The following MGAT1 variants were observed in gnomAD, a reference collection of about 807,000 sequenced individuals.
MGAT1 encodes N-glycosyl-oligosaccharide-glycoprotein N-acetylglucosaminyltransferase I.
In MGAT1, 14 loss-of-function variants were observed where a neutral mutation model predicts 31.7. The ratio of observed to expected loss-of-function variants is 0.44; its 90% confidence interval spans 0.29 to 0.69. The LOEUF (loss-of-function observed/expected upper bound fraction) is 0.69, where lower values mean the gene tolerates loss of function less well. MGAT1 is among the 30% of genes least tolerant of loss of function. The pLI is 0.12. For synonymous variants in MGAT1, 338 were observed against 276.0 expected (o/e 1.22, Z -2.23); for missense variants, 557 against 626.0 (o/e 0.89, Z 1.18).
chr5:180,798,700 T>G (rs903950693), intron 1 of MGAT1, among the ~76,000 whole-genome samples: 1 of 152,262 alleles, frequency 6.6e-6, no homozygotes, highest in Non-Finnish European at 1.5e-5. Flanking sequence ...TGGTAAAATC[T>G]GATCTGATCT....
At chr5:180,796,607 GTTTT>G (rs1016451383) in intron 1 of MGAT1, among the ~76,000 whole-genome samples, 1 of 151,718 alleles carries the variant, frequency 6.6e-6, no homozygotes, top group Non-Finnish European at 1.5e-5. Flanking sequence ...AAGAGTTTCA[GTTTT>G]TTTTCTTTTT....
chr5:180,792,670 G>T lies in MGAT1; in HGVS notation c.302C>A (p.Pro101His), dbSNP rs1424856188. The T allele has an allele frequency of 6.3e-7, 1 of 1,575,248 alleles. No homozygotes were observed. Among genetic ancestry groups the T allele is most frequent in the Non-Finnish European group, 8.6e-7 (1 of 1,160,580 alleles). ...PPAQPRVPVT[P>H]APAVIPILVI... is the part of the protein sequence containing the mutation. Reference sequence around the variant, plus strand: ...CAGGATGGGAATCACCGCCGGCGCGGGGGTCACAGGCACACGCGGCTGGGC... The same window carrying T: ...CAGGATGGGAATCACCGCCGGCGCGTGGGTCACAGGCACACGCGGCTGGGC... Residue 101 changes from proline to histidine, a missense_variant, in exon 2 of 2, where the codon CCC becomes CAC. Coordinates refer to ENST00000307826, the MANE Select transcript of MGAT1 (RefSeq NM_002406.4).
Position 180,786,230 on chromosome 5 carries a change from T to C in MGAT1, c.*5404A>G, listed in dbSNP as rs557315244. 2.0e-5 allele frequency: 3 copies of C among 152,370 alleles called. No homozygotes were observed. The highest frequency in any genetic ancestry group is 2.9e-5 in the Non-Finnish European group (2 of 68,052). 9.4% of individuals were successfully genotyped at this position (152,370 alleles called of 1,614,324 possible). On this transcript the variant is annotated 3_prime_UTR_variant, in exon 2 of 2. Transcript: ENST00000307826. ...CTTCAGGAATTTCAGTTTTCATGCATGACCCTGAGAAGACTCAGCCCCCTG... is the reference window on the plus strand; with the variant it reads ...CTTCAGGAATTTCAGTTTTCATGCACGACCCTGAGAAGACTCAGCCCCCTG...
intron 1 of MGAT1, among the ~76,000 whole-genome samples, chr5:180,812,405 TAA>T (rs1772633081): frequency 2.0e-5 from 3 of 152,378 alleles, no homozygotes; most frequent in Non-Finnish European, 4.4e-5. Flanking sequence ...CATTTTTACT[TAA>T]GTGACCTTCG....
chr5:180,810,530 C>T (rs912885227), intron 1 of MGAT1: 1 of 152,616 alleles, frequency 6.6e-6, no homozygotes, highest in Non-Finnish European at 1.5e-5. Context: ...GGGGTTGGCC[C>T]TTGGGGTGCT....
chr5:180,801,307 A>G (rs191344992), intron 1 of MGAT1, among the ~76,000 whole-genome samples: 1 of 152,360 alleles, frequency 6.6e-6, no homozygotes, highest in East Asian at 1.9e-4. Flanking sequence ...ACAGAAGTGG[A>G]AGAAATGGTA....
At position 180,809,105 on chromosome 5, in the gene MGAT1, C is replaced by CTCTA. The variant is rs1183610704; in HGVS notation, c.-545-43_-545-40dup. On this transcript the variant is annotated intron_variant, in intron 1 of 2. Transcript: ENST00000333055. ...CAGAACATTTAAACATTATAACGCT[C>CTCTA]TCTAATCTAGATACCCAAATAGAGT... 1.8e-4 allele frequency: 27 copies of CTCTA among 152,278 alleles called. No homozygotes were observed. The East Asian group carries it at 3.5e-3, about 20-fold the overall frequency. 9.4% of individuals were successfully genotyped at this position (152,278 alleles called of 1,614,324 possible). A position where few individuals can be genotyped will look rare whatever the true frequency, so the allele number is the denominator to read the frequency against.
In MGAT1 at chr5:180,785,301, T is replaced by C. The variant is rs1767495931; in HGVS notation, c.*6333A>G. ...AGTATCCGAGAGTTCTGGTTTCTACTGTTGCTCAGCAAACTCCCGCAGAAC... is the reference window on the plus strand; with the variant it reads ...AGTATCCGAGAGTTCTGGTTTCTACCGTTGCTCAGCAAACTCCCGCAGAAC... On this transcript the variant is annotated 3_prime_UTR_variant, in exon 2 of 2. Coordinates refer to ENST00000307826, the MANE Select transcript of MGAT1 (RefSeq NM_002406.4). 1 of 152,266 alleles carries C rather than the reference T, an allele frequency of 6.6e-6. No homozygotes were observed. The highest frequency in any genetic ancestry group is 2.4e-5 in the African/African-American group (1 of 41,468). 9.4% of individuals were successfully genotyped at this position (152,266 alleles called of 1,614,324 possible).
chr5:180,796,430 C>T (rs921465238), intron 1 of MGAT1, among the ~76,000 whole-genome samples: 3 of 152,174 alleles, frequency 2.0e-5, no homozygotes, highest in African/African-American at 4.8e-5. Context: ...CAATTAGATA[C>T]ATGTTGTCAA....
chr5:180,796,814 G>A (rs6872629), intron 1 of MGAT1, among the ~76,000 whole-genome samples: 18,898 of 151,956 alleles, frequency 0.12, 1,235 homozygotes, highest in East Asian at 0.24. Context: ...CTTTCACCAT[G>A]TTGGCCAGGC....
At chr5:180,815,026 T>C (rs1772791641) in intron 1 of MGAT1, among the ~76,000 whole-genome samples, 1 of 152,082 alleles carries the variant, frequency 6.6e-6, no homozygotes, top group Non-Finnish European at 1.5e-5. Context: ...TTCTTACAGC[T>C]CTGGAGGCTG....
At chr5:180,814,476 C>A (rs1330802494) in intron 1 of MGAT1, among the ~76,000 whole-genome samples, 1 of 152,212 alleles carries the variant, frequency 6.6e-6, no homozygotes, top group Non-Finnish European at 1.5e-5. Flanking sequence ...CCTTTTCTCT[C>A]TTTACCCACC....
intron 1 of MGAT1, chr5:180,811,335 A>G (rs1159234875): frequency 2.6e-5 from 4 of 152,202 alleles, no homozygotes; most frequent in African/African-American, 4.8e-5. Context: ...TTGGAACGAT[A>G]TAATTTTTGG....
intron 1 of MGAT1, among the ~76,000 whole-genome samples, chr5:180,814,905 C>CT (rs1019917986): frequency 2.7e-5 from 4 of 149,870 alleles, no homozygotes; most frequent in African/African-American, 9.9e-5. Flanking sequence ...CGCGCCACTG[C>CT]ACTCCAGCCT....
intron 1 of MGAT1, among the ~76,000 whole-genome samples, chr5:180,801,801 A>G (rs1770825926): frequency 6.6e-6 from 1 of 152,234 alleles, no homozygotes; most frequent in African/African-American, 2.4e-5. Flanking sequence ...CCGAACAGTA[A>G]TGAGTTTCCC....
At position 180,788,967 on chromosome 5, in the gene MGAT1, C is replaced by T. The variant is rs1581780122; in HGVS notation, c.*2667G>A. 6.6e-6 allele frequency: 1 copy of T among 152,250 alleles called. No individual in the cohort carries two copies. The highest frequency in any genetic ancestry group is 2.1e-4 in the South Asian group (1 of 4,830). 9.4% of individuals were successfully genotyped at this position (152,250 alleles called of 1,614,324 possible). A position where few individuals can be genotyped will look rare whatever the true frequency, so the allele number is the denominator to read the frequency against. On this transcript the variant is annotated 3_prime_UTR_variant, in exon 2 of 2. Transcript: ENST00000307826. ...GGCGGCCAAACTCCTCCTGGCTCCACCGGAAAGGGCACAATGCAGCTATCG... is the reference window on the plus strand; with the variant it reads ...GGCGGCCAAACTCCTCCTGGCTCCATCGGAAAGGGCACAATGCAGCTATCG...
intron 1 of MGAT1, among the ~76,000 whole-genome samples, chr5:180,802,366 C>A (rs902730585): frequency 6.6e-6 from 1 of 152,218 alleles, no homozygotes; most frequent in Non-Finnish European, 1.5e-5. Context: ...ATCCCACCCC[C>A]TCCCTGCCCC....
Position 180,792,642 on chromosome 5 carries a change from G to A in MGAT1, c.330C>T (p.Val110=), listed in dbSNP as rs200561632. The change falls in exon 2 of 2, where the codon GTC becomes GTT. Residue 110 remains valine, a synonymous_variant. Coordinates refer to ENST00000307826, the MANE Select transcript of MGAT1 (RefSeq NM_002406.4). The part of the protein sequence containing the change: ...TPAPAVIPIL[V]IACDRSTVRR... ...GAACAGTGCTGCGGTCACAGGCGAT[G>A]ACCAGGATGGGAATCACCGCCGGCG... is the stretch of plus-strand genomic sequence containing the variant. 1.3e-5 allele frequency: 21 copies of A among 1,590,668 alleles called. No homozygotes were observed. Among genetic ancestry groups the A allele is most frequent in the Non-Finnish European group, 1.7e-5 (20 of 1,166,422 alleles).
rs751910889 is a variant in MGAT1, at chr5:180,792,361, G to A, written c.611C>T (p.Ala204Val). The change falls in exon 2 of 2, where the codon GCG becomes GTG. Residue 204 changes from alanine (A) to valine (V), a missense_variant. Transcript: ENST00000307826. ...GQVFRQFRFP[A>V]AVVVEDDLEV... ...CAGGTCATCCTCCACCACCACGGCC[G>A]CGGGGAAGCGAAACTGCCGGAAGAC... The A allele has an allele frequency of 8.7e-6, 14 of 1,610,920 alleles. No homozygotes were observed. The highest frequency in any genetic ancestry group is 3.3e-5 in the Admixed American group (2 of 59,922).
Sources: gnomAD v4.1 joint callset for allele counts (sites outside exome capture counted in the v4.1 genomes callset) on GRCh38, gnomAD v4.1.1 for gene constraint, MANE v1.5 for transcripts, NCBI Gene and HGNC (gene_info 2026-07-23, HGNC 2026-07-21) for gene names.